Variants in NF1 observed in about 807,000 individuals in gnomAD.
NF1 encodes the protein neurofibromin 1, also known as neurofibromin.
Under a neutral mutation model 325.7 loss-of-function variants are expected in NF1, and 122 were observed. The ratio of observed to expected loss-of-function variants is 0.37; its 90% CI spans 0.32 to 0.44. The LOEUF (loss-of-function observed/expected upper bound fraction) is 0.44, where lower values mean the gene tolerates loss of function less well. Among genes scored for constraint, NF1 ranks in the 20% least tolerant of loss-of-function variants. The pLI, the probability that NF1 is intolerant of heterozygous loss-of-function variation, is 1.00. For missense variants in NF1, 2,140 were observed against 3,415.4 expected, an observed-to-expected ratio of 0.63 and a Z score of 9.31; for synonymous variants, 1,091 against 1,186.0, an observed-to-expected ratio of 0.92 and a Z score of 1.65.
intron 29 of NF1, among the ~76,000 whole-genome samples, chr17:31,245,302 T>C (rs895022863): frequency 6.6e-6 from 1 of 152,246 alleles, no homozygotes; most frequent in South Asian, 2.1e-4. Flanking sequence ...TTAGGCTGTC[T>C]CTTCAATTAG....
At chr17:31,121,063 A>G (rs1186441963) in intron 1 of NF1, among the ~76,000 whole-genome samples, 5 of 152,240 alleles carry the variant, frequency 3.3e-5, no homozygotes, top group African/African-American at 9.6e-5. Context: ...TTTCATATGC[A>G]TACCATATTT....
At chr17:31,141,155 G>A (rs1013931049) in intron 1 of NF1, among the ~76,000 whole-genome samples, 1 of 151,890 alleles carries the variant, frequency 6.6e-6, no homozygotes, top group Admixed American at 6.6e-5. Context: ...TAACCATTTT[G>A]CTGTCTATAC....
chr17:31,201,388 C>CTTTTTTTTTTT (rs763903212), intron 10 of NF1, 23 bp from the exon 11 acceptor site: 1 of 1,433,298 alleles, frequency 7.0e-7, no homozygotes, highest in Non-Finnish European at 9.6e-7. Flanking sequence ...AAATAATCTG[C>CTTTTTTTTTTT]TTTTTTTTTT....
intron 11 of NF1, 140 bp downstream of exon 11, chr17:31,201,625 G>A (rs2066532899): frequency 2.9e-6 from 2 of 678,592 alleles, no homozygotes; most frequent in African/African-American, 1.8e-5. Context: ...TTTCTCCATG[G>A]TGATTCTATT....
At chr17:31,360,351 T>C in intron 56 of NF1, 136 bp from the exon 57 acceptor site, 2 of 736,894 alleles carry the variant, frequency 2.7e-6, no homozygotes, top group Non-Finnish European at 4.6e-6. Context: ...ATTACTCCAC[T>C]CCCCTTTTTT....
At chr17:31,371,506 T>A (rs1057432229) in intron 57 of NF1, among the ~76,000 whole-genome samples, 1 of 152,238 alleles carries the variant, frequency 6.6e-6, no homozygotes, top group African/African-American at 2.4e-5. Flanking sequence ...TTCAGTTTTG[T>A]TATTTCTTTT....
intron 56 of NF1, chr17:31,359,235 TATG>T (rs2070346635): frequency 5.6e-6 from 3 of 532,260 alleles, no homozygotes; most frequent in African/African-American, 1.9e-5. Context: ...AAAGTCAACT[TATG>T]ATCAATTTTT....
At chr17:31,290,262 A>T (rs1243673409) in intron 36 of NF1, among the ~76,000 whole-genome samples, 1 of 152,118 alleles carries the variant, frequency 6.6e-6, no homozygotes, top group Non-Finnish European at 1.5e-5. Flanking sequence ...AGACTTACAA[A>T]TATTTTTAAA....
At position 31,358,949 on chromosome 17, in the gene NF1, T is replaced by A. The variant is rs1224591407; in HGVS notation, c.8114-20T>A. 4 of 1,610,424 alleles carry A rather than the reference T, an allele frequency of 2.5e-6. No homozygotes were observed. In the East Asian group the frequency reaches 8.9e-5, roughly 36 times the overall value. ...AAAGATACCTTGCTTGTTATAAGAG[T>A]AAAATTTGATTTGTTGCAGGTTTTG... is the stretch of plus-strand genomic sequence containing the variant. On this transcript the variant is annotated intron_variant, in intron 55 of 57. Transcript: ENST00000358273.
intron 14 of NF1, among the ~76,000 whole-genome samples, chr17:31,220,367 G>A (rs974512644): frequency 1.3e-5 from 2 of 152,030 alleles, no homozygotes; most frequent in Admixed American, 1.3e-4. Flanking sequence ...TACATTTCTT[G>A]TAGTCTTTTT....
intron 2 of NF1, among the ~76,000 whole-genome samples, chr17:31,158,192 C>T (rs141823137): frequency 1.9e-3 from 283 of 152,144 alleles, no homozygotes; most frequent in African/African-American, 6.4e-3. Context: ...ACTTTTTGTT[C>T]GCATCATCCT....
chr17:31,153,218 A>G (rs1917068734), intron 1 of NF1, among the ~76,000 whole-genome samples: 1 of 152,238 alleles, frequency 6.6e-6, no homozygotes, highest in African/African-American at 2.4e-5. Context: ...TTAAAGCTAA[A>G]TTTAAATAAA....
At position 31,229,111 on chromosome 17, in the gene NF1, C is replaced by T. The variant is rs1227092939; in HGVS notation, c.2496C>T (p.Asp832=). The change falls in exon 21 of 58, where the codon GAC becomes GAT. Residue 832 remains aspartate, a synonymous_variant. Transcript: ENST00000358273. ...GGGSIDLSDT[D]SLQEWINMTG... is the part of the protein sequence containing the mutation. ...GATCCATAGATTTGTCTGACACAGA[C>T]TCCCTACAGGAATGGATCAACATGA... 2 of 1,611,892 alleles carry T rather than the reference C, an allele frequency of 1.2e-6. No homozygotes were observed. Among genetic ancestry groups the T allele is most frequent in the South Asian group, 2.2e-5 (2 of 90,996 alleles).
rs1009530418 is a variant in NF1, at chr17:31,231,005, A to G, written c.3197+80A>G. On this transcript the variant is annotated intron_variant, in intron 24 of 57. Transcript: ENST00000358273. ...TACTTAATTACAGCTTTATACTTGT[A>G]TTTTGTGTGTATTTAAACTTTTGAG... 9 of 1,103,090 alleles carry G rather than the reference A, an allele frequency of 8.2e-6. No homozygotes were observed. In the African/African-American group the frequency reaches 1.2e-4, roughly 15 times the overall value. The allele number at this position is 1,103,090 out of a possible 1,614,324, so 68.3% of individuals were successfully genotyped here. A position where few individuals can be genotyped will look rare whatever the true frequency, so the allele number is the denominator to read the frequency against.
At chr17:31,107,976 T>A (rs1913017333) in intron 1 of NF1, among the ~76,000 whole-genome samples, 1 of 150,860 alleles carries the variant, frequency 6.6e-6, no homozygotes, top group African/African-American at 2.4e-5. Flanking sequence ...CACAAAAAAA[T>A]AAAAAAAGTA....
At chr17:31,220,337 C>G (rs1217498621) in intron 14 of NF1, among the ~76,000 whole-genome samples, 2 of 152,064 alleles carry the variant, frequency 1.3e-5, no homozygotes, top group Admixed American at 1.3e-4. Context: ...GTGTACATTG[C>G]TATTGGTCCC....
chr17:31,193,329 T>C (rs2066379483), intron 8 of NF1, among the ~76,000 whole-genome samples: 1 of 152,178 alleles, frequency 6.6e-6, no homozygotes, highest in Non-Finnish European at 1.5e-5. Flanking sequence ...GTTCCCTAAA[T>C]TGAATATACC....
chr17:31,318,141 A>T, intron 36 of NF1: 2 of 798,740 alleles, frequency 2.5e-6, no homozygotes, highest in Non-Finnish European at 3.8e-6. Flanking sequence ...AGTTTAAATA[A>T]TTAAGCAGGC....
chr17:31,260,217 T>G, intron 33 of NF1, 152 bp from the exon 34 acceptor site: 2 of 779,204 alleles, frequency 2.6e-6, no homozygotes, highest in Admixed American at 4.8e-5. Flanking sequence ...TTGTCCTTTT[T>G]GCTTTGTCTA....
Sources: allele counts gnomAD v4.1 joint callset (sites outside exome capture counted in the v4.1 genomes callset), GRCh38; gene constraint gnomAD v4.1.1; transcripts MANE v1.5; gene names NCBI Gene and HGNC (gene_info 2026-07-23, HGNC 2026-07-21).